The following PCDH15 variants were observed in gnomAD, a reference collection of about 807,000 sequenced individuals.
The protein encoded by PCDH15 is protocadherin related 15.
In PCDH15, 129 loss-of-function variants were observed where a neutral mutation model predicts 178.5. The ratio of observed to expected loss-of-function variants is 0.72; its 90% CI spans 0.63 to 0.84. The LOEUF is 0.84. Ranked by LOEUF, PCDH15 falls within the 40% of genes least tolerant of loss-of-function variation. PCDH15 has a pLI of 0.00. For synonymous variants in PCDH15, 800 were observed against 732.0 expected (o/e 1.09, Z -1.50); for missense variants, 2,230 against 2,099.9 (o/e 1.06, Z -1.21).
chr10:54,754,334 G>C (rs1946771132), intron 1 of PCDH15, among the ~76,000 whole-genome samples: 1 of 152,110 alleles, frequency 6.6e-6, no homozygotes, highest in African/African-American at 2.4e-5. Flanking sequence ...GCTATTCCTG[G>C]TCAATTCTCT....
intron 2 of PCDH15, among the ~76,000 whole-genome samples, chr10:54,939,523 A>AAAAAAAAAAAAAAAAAAAAC (rs1838005564): frequency 1.4e-5 from 2 of 146,370 alleles, no homozygotes; most frequent in Non-Finnish European, 1.5e-5. Flanking sequence ...AAAAAAAAAA[A>AAAAAAAAAAAAAAAAAAAAC]TCAGTGATGT....
At chr10:55,362,270 T>C (rs1845250070) in intron 2 of PCDH15, among the ~76,000 whole-genome samples, 1 of 152,142 alleles carries the variant, frequency 6.6e-6, no homozygotes, top group South Asian at 2.1e-4. Flanking sequence ...ACTTTTTTAT[T>C]TTGCAGAATT....
At chr10:54,826,804 T>TA (rs1288067651) in intron 3 of PCDH15, among the ~76,000 whole-genome samples, 1 of 152,008 alleles carries the variant, frequency 6.6e-6, no homozygotes, top group African/African-American at 2.4e-5. Context: ...GGCTAATATA[T>TA]ACCAGAAAAG....
In PCDH15 at chr10:55,507,739, C is replaced by G. The variant is rs1257642509; in HGVS notation, c.-156+119886G>C. On this transcript the variant is annotated intron_variant, in intron 2 of 5. Transcript: ENST00000613346. ...TTCGTATAATTTGACATCTTAATAA[C>G]TCAGGGTCCACAAATATCTAAATAC... Among the ~76,000 whole-genome samples, 5 of 151,422 alleles carry G rather than the reference C, an allele frequency of 3.3e-5. No homozygotes were observed. In the South Asian group the frequency reaches 1.0e-3, roughly 31 times the overall value.
intron 20 of PCDH15, among the ~76,000 whole-genome samples, chr10:54,002,155 C>A (rs1488471897): frequency 6.6e-6 from 1 of 151,110 alleles, no homozygotes; most frequent in Non-Finnish European, 1.5e-5. Context: ...CATACACACA[C>A]ACATATATAT....
intron 2 of PCDH15, among the ~76,000 whole-genome samples, chr10:55,522,555 A>G (rs1020403736): frequency 2.0e-5 from 3 of 151,758 alleles, no homozygotes; most frequent in Non-Finnish European, 4.4e-5. Context: ...TGGCCTCTTT[A>G]TCATTATATA....
intron 3 of PCDH15, among the ~76,000 whole-genome samples, chr10:54,508,193 G>T (rs1465470474): frequency 6.6e-6 from 1 of 151,978 alleles, no homozygotes; most frequent in African/African-American, 2.4e-5. Flanking sequence ...ACCAAACATT[G>T]TAAGTAATTT....
At chr10:54,536,708 C>T (rs2084570695) in intron 2 of PCDH15, among the ~76,000 whole-genome samples, 1 of 151,774 alleles carries the variant, frequency 6.6e-6, no homozygotes. Flanking sequence ...CATGGCTATG[C>T]AATGTTTAGC....
chr10:54,386,100 TTGTGTGTGTG>T (rs60205554), intron 3 of PCDH15, among the ~76,000 whole-genome samples: 2,993 of 139,680 alleles, frequency 0.021, 88 homozygotes, highest in African/African-American at 0.069. Flanking sequence ...TAGTTATTAG[TTGTGTGTGTG>T]TGTGTGTGTG....
chr10:54,038,593 A>C (rs759914398), intron 18 of PCDH15, among the ~76,000 whole-genome samples: 1 of 151,884 alleles, frequency 6.6e-6, no homozygotes, highest in Non-Finnish European at 1.5e-5. Context: ...TATGGGCTAC[A>C]CTGAAATGGG....
intron 26 of PCDH15, among the ~76,000 whole-genome samples, chr10:53,890,071 G>A (rs2081444987): frequency 6.6e-6 from 1 of 152,138 alleles, no homozygotes; most frequent in Non-Finnish European, 1.5e-5. Flanking sequence ...CTTAGAATCT[G>A]TGTGATTTTG....
intron 2 of PCDH15, among the ~76,000 whole-genome samples, chr10:55,096,774 G>A (rs1486820573): frequency 3.9e-5 from 6 of 151,902 alleles, no homozygotes; most frequent in Admixed American, 2.0e-4. Flanking sequence ...GTAGCATAAC[G>A]TCCTCCAATT....
At chr10:54,101,280 T>C (rs1343940069) in intron 15 of PCDH15, among the ~76,000 whole-genome samples, 1 of 152,180 alleles carries the variant, frequency 6.6e-6, no homozygotes, top group Non-Finnish European at 1.5e-5. Context: ...TTGAACCTCT[T>C]TCTTTTGTAA....
chr10:55,264,605 A>G (rs746044955), intron 1 of PCDH15, among the ~76,000 whole-genome samples: 2 of 152,158 alleles, frequency 1.3e-5, no homozygotes, highest in Non-Finnish European at 2.9e-5. Flanking sequence ...GAAGGAAATG[A>G]GGGACGCCTC....
chr10:55,426,910 G>A (rs530370978), intron 2 of PCDH15, among the ~76,000 whole-genome samples: 1 of 152,204 alleles, frequency 6.6e-6, no homozygotes, highest in African/African-American at 2.4e-5. Flanking sequence ...TCCAACCACA[G>A]TCTCCTACAC....
chr10:54,693,706 T>A (rs76105112), intron 1 of PCDH15, among the ~76,000 whole-genome samples: 12,200 of 152,052 alleles, frequency 0.08, 545 homozygotes, highest in South Asian at 0.15. Context: ...ACTCTCTAAG[T>A]ATAGGTTTGA....
chr10:54,520,307 C>A (rs1230788602), intron 3 of PCDH15, among the ~76,000 whole-genome samples: 3 of 152,030 alleles, frequency 2.0e-5, no homozygotes, highest in African/African-American at 4.8e-5. Context: ...TTTTTGCAAC[C>A]TACTCATCTG....
In PCDH15 at chr10:55,014,493, G is replaced by GTGC. The variant is rs1323390270; in HGVS notation, c.-79-116996_-79-116994dup. ...AAATGATGCTTATAACCAGACCAGAGTGCTGCTCTTCAATAAAATATTTTT... is the reference window on the plus strand; with the variant it reads ...AAATGATGCTTATAACCAGACCAGAGTGCTGCTGCTCTTCAATAAAATATTTTT... On this transcript the variant is annotated intron_variant, in intron 2 of 5. Transcript: ENST00000458638. Among the ~76,000 whole-genome samples the GTGC allele has an allele frequency of 5.0e-5, 5 of 100,832 alleles. No homozygotes were observed. In the East Asian group the frequency reaches 1.6e-3, roughly 33 times the overall value. 66.1% of individuals were successfully genotyped at this position (100,832 alleles called of 152,430 possible). A position where few individuals can be genotyped will look rare whatever the true frequency, so the allele number is the denominator to read the frequency against.
intron 13 of PCDH15, among the ~76,000 whole-genome samples, chr10:54,169,685 T>C (rs1318549493): frequency 2.4e-3 from 364 of 151,404 alleles, no homozygotes; most frequent in Middle Eastern, 6.9e-3. Context: ...TGGCGACCAA[T>C]CATGCACCCC....
Sources: gnomAD v4.1 joint callset for allele counts (sites outside exome capture counted in the v4.1 genomes callset) on GRCh38, gnomAD v4.1.1 for gene constraint, MANE v1.5 for transcripts, NCBI Gene and HGNC (gene_info 2026-07-23, HGNC 2026-07-21) for gene names.